TRAF5: variants seen among roughly 807,000 people sequenced by gnomAD.
The protein encoded by TRAF5 is TNF receptor associated factor 5.
TRAF5 carries 48 observed loss-of-function variants against 64.5 expected under a neutral mutation model. The ratio of observed to expected loss-of-function variants is 0.74; its 90% CI spans 0.59 to 0.95. The LOEUF is 0.95. TRAF5 is among the 40% of genes least tolerant of loss of function. The probability of loss-of-function intolerance (pLI) is 0.00; values close to 1 mark genes in which losing one functional copy is unlikely to be tolerated. For synonymous variants in TRAF5, 206 were observed against 240.5 expected (o/e 0.86, Z 1.33); for missense variants, 545 against 662.8 (o/e 0.82, Z 1.95).
At chr1:211,343,842 G>C (rs1702515442) in intron 1 of TRAF5, among the ~76,000 whole-genome samples, 1 of 152,128 alleles carries the variant, frequency 6.6e-6, no homozygotes, top group Non-Finnish European at 1.5e-5. Context: ...ACTCTGGCCT[G>C]GGGACTAATG....
chr1:211,362,959 T>C (rs147319537), intron 7 of TRAF5, among the ~76,000 whole-genome samples: 91 of 152,096 alleles, frequency 6.0e-4, no homozygotes, highest in Non-Finnish European at 4.3e-4. Context: ...GGCAAAGAAA[T>C]ATAGTATATG....
At chr1:211,346,245 A>G (rs1294575317) in intron 1 of TRAF5, 2 of 453,222 alleles carry the variant, frequency 4.4e-6, no homozygotes, top group African/African-American at 2.1e-5. Context: ...TGTTTGTGGT[A>G]CTTGCCAGTG....
Position 211,369,464 on chromosome 1 carries a change from C to T in TRAF5, c.802C>T (p.His268Tyr), listed in dbSNP as rs200398415. The T allele has an allele frequency of 1.9e-6, 3 of 1,588,662 alleles. No individual in the cohort carries two copies. The East Asian group carries it at 6.8e-5, about 36-fold the overall frequency. The change falls in exon 9 of 11, where the codon CAC becomes TAC. Residue 268 changes from histidine to tyrosine, a missense_variant. Physicochemically the swap from His to Tyr is moderately conservative, Grantham distance 83 (BLOSUM62 2). Transcript: ENST00000261464. ...VQLEEQISDLHKSLEQKESKI... is the reference protein window; with the variant it reads ...VQLEEQISDLYKSLEQKESKI... ...TTCCTGTTATTAGATTTCTGACTTA[C>T]ACAAGAGCCTAGAACAGAAAGAAAG...
At chr1:211,366,048 G>A (rs781502167) in intron 8 of TRAF5, among the ~76,000 whole-genome samples, 3 of 152,218 alleles carry the variant, frequency 2.0e-5, no homozygotes, top group Non-Finnish European at 2.9e-5. Context: ...GCCTGCCATA[G>A]TGCCTGTGGC....
intron 1 of TRAF5, among the ~76,000 whole-genome samples, chr1:211,331,967 G>A (rs753811645): frequency 6.6e-6 from 1 of 152,144 alleles, no homozygotes; most frequent in African/African-American, 2.4e-5. Flanking sequence ...GCACCTGGGC[G>A]AGTAGACCAT....
At chr1:211,363,163 C>A (rs774355494) in intron 7 of TRAF5, among the ~76,000 whole-genome samples, 1 of 152,128 alleles carries the variant, frequency 6.6e-6, no homozygotes, top group Non-Finnish European at 1.5e-5. Flanking sequence ...AATGAATCCA[C>A]ACATTGACCC....
chr1:211,330,605 G>A (rs955672598), intron 1 of TRAF5, among the ~76,000 whole-genome samples: 3 of 152,138 alleles, frequency 2.0e-5, no homozygotes, highest in Non-Finnish European at 2.9e-5. Flanking sequence ...TCTGTAAAGA[G>A]TGGACAGCTC....
intron 1 of TRAF5, among the ~76,000 whole-genome samples, chr1:211,341,708 T>C (rs765978677): frequency 4.6e-5 from 7 of 152,190 alleles, no homozygotes; most frequent in African/African-American, 7.2e-5. Context: ...GGGCTGAGGA[T>C]GGAGAATGGG....
At chr1:211,368,647 AT>A (rs769772509) in intron 8 of TRAF5, among the ~76,000 whole-genome samples, 1 of 152,242 alleles carries the variant, frequency 6.6e-6, no homozygotes, top group Non-Finnish European at 1.5e-5. Flanking sequence ...AAAAGTTAAA[AT>A]TGGCAACTGT....
intron 1 of TRAF5, among the ~76,000 whole-genome samples, chr1:211,327,462 C>G (rs568677534): frequency 6.6e-6 from 1 of 152,350 alleles, no homozygotes; most frequent in East Asian, 1.9e-4. Context: ...AGCTACCCCC[C>G]TCCCCCAGAA....
intron 2 of TRAF5, chr1:211,353,675 G>C: frequency 1.7e-6 from 1 of 571,696 alleles, no homozygotes; most frequent in Non-Finnish European, 3.1e-6. Flanking sequence ...TTAAAATTCA[G>C]ACTGTACCTG....
intron 4 of TRAF5, chr1:211,358,613 C>T (rs1371897592): frequency 6.6e-6 from 1 of 150,876 alleles, no homozygotes; most frequent in African/African-American, 2.4e-5. Flanking sequence ...GGCTGAGGCA[C>T]AAGAAGCTCT....
chr1:211,332,050 G>A (rs1345716078), intron 1 of TRAF5, among the ~76,000 whole-genome samples: 1 of 152,166 alleles, frequency 6.6e-6, no homozygotes, highest in Non-Finnish European at 1.5e-5. Flanking sequence ...GGGTAGGGAA[G>A]CTGGGCTGGG....
rs776223610 is a variant in TRAF5 at position 211,356,434 on chromosome 1, G to C, written c.344G>C (p.Gly115Ala). 8 of 1,614,054 alleles carry C rather than the reference G, an allele frequency of 5.0e-6. No individual in the cohort carries two copies. The highest frequency in any genetic ancestry group is 1.6e-4 in the Middle Eastern group (1 of 6,084). ...TATGTATATTGCAGCAATGCTCCTG[G>C]ATGTAATGCCAAGGTTATTCTGGGC... is the stretch of plus-strand genomic sequence containing the variant. ...NLYVYCSNAP[G>A]CNAKVILGRY... is the part of the protein sequence containing the mutation. Residue 115 changes from glycine (G) to alanine (A), a missense_variant, in exon 4 of 11, where the codon GGA becomes GCA. By Grantham distance (60) the Gly-to-Ala change is moderately conservative (BLOSUM62 0). Coordinates refer to ENST00000261464, the MANE Select transcript of TRAF5 (RefSeq NM_001033910.3).
intron 10 of TRAF5, 28 bp from the exon 11 acceptor site, chr1:211,372,100 C>CTTTT: frequency 3.2e-6 from 4 of 1,263,926 alleles, no homozygotes; most frequent in South Asian, 3.2e-5. Flanking sequence ...CCTATGGAAT[C>CTTTT]TTTTTTTTTT....
chr1:211,368,283 C>G (rs1444413205), intron 8 of TRAF5, among the ~76,000 whole-genome samples: 3 of 151,618 alleles, frequency 2.0e-5, no homozygotes, highest in African/African-American at 7.3e-5. Context: ...AGGGAAGGCT[C>G]AAGACCAGAT....
chr1:211,332,236 C>A (rs1322105799), intron 1 of TRAF5, among the ~76,000 whole-genome samples: 1 of 152,162 alleles, frequency 6.6e-6, no homozygotes, highest in Non-Finnish European at 1.5e-5. Context: ...AGAGCCAACA[C>A]AGGAAAAAAT....
chr1:211,343,218 G>A (rs532602628), intron 1 of TRAF5, among the ~76,000 whole-genome samples: 1 of 152,194 alleles, frequency 6.6e-6, no homozygotes, highest in South Asian at 2.1e-4. Context: ...CTGAGGTCAC[G>A]TGGCTATGAA....
chr1:211,358,903 AAAT>A (rs1244494246), intron 4 of TRAF5: 1 of 149,270 alleles, frequency 6.7e-6, no homozygotes, highest in African/African-American at 2.4e-5. Context: ...TTTTAATAAT[AAAT>A]AACAGAATAT....
Sources: gnomAD v4.1 joint callset for allele counts (sites outside exome capture counted in the v4.1 genomes callset) on GRCh38, gnomAD v4.1.1 for gene constraint, MANE v1.5 for transcripts, NCBI Gene and HGNC (gene_info 2026-07-23, HGNC 2026-07-21) for gene names.